The following COL27A1 variants were observed in gnomAD, a reference collection of about 807,000 sequenced individuals.
The protein encoded by COL27A1 is collagen type XXVII alpha 1 chain.
A neutral mutation model predicts 251.3 loss-of-function variants in COL27A1; 106 were observed. The ratio of observed to expected loss-of-function variants is 0.42; its 90% CI spans 0.36 to 0.50. COL27A1 has a LOEUF of 0.50. Among genes scored for constraint, COL27A1 ranks in the 20% least tolerant of loss-of-function variants. The probability of loss-of-function intolerance (pLI) is 0.00; values close to 1 mark genes in which losing one functional copy is unlikely to be tolerated. For synonymous variants in COL27A1, 1,000 were observed against 986.3 expected, an observed-to-expected ratio of 1.01 and a Z score of -0.26; for missense variants, 2,325 against 2,522.8, an observed-to-expected ratio of 0.92 and a Z score of 1.68.
chr9:114,244,586 G>A (rs747824324), intron 23 of COL27A1, among the ~76,000 whole-genome samples: 4 of 152,178 alleles, frequency 2.6e-5, no homozygotes, highest in Non-Finnish European at 4.4e-5. Context: ...GGGGAGCGCA[G>A]GTCATCCATA....
At chr9:114,157,932 G>A (rs1344884288) in intron 1 of COL27A1, among the ~76,000 whole-genome samples, 1 of 152,202 alleles carries the variant, frequency 6.6e-6, no homozygotes, top group African/African-American at 2.4e-5. Flanking sequence ...TGTAATAAGT[G>A]CTCAGTAAAC....
intron 39 of COL27A1, 114 bp from the exon 40 acceptor site, chr9:114,283,595 G>A (rs982060649): frequency 2.6e-5 from 23 of 895,914 alleles, no homozygotes; most frequent in African/African-American, 6.6e-5. Flanking sequence ...GGTTATGGGC[G>A]GCATGGATGT....
chr9:114,296,800 C>T (rs1212541214), intron 49 of COL27A1, among the ~76,000 whole-genome samples: 2 of 152,156 alleles, frequency 1.3e-5, no homozygotes, highest in Non-Finnish European at 2.9e-5. Context: ...TTGAAAAAAA[C>T]CTCAAATGTG....
chr9:114,181,022 C>G (rs4978572), intron 4 of COL27A1, among the ~76,000 whole-genome samples: 62,195 of 151,986 alleles, frequency 0.41, 13,262 homozygotes, highest in East Asian at 0.59. Flanking sequence ...AACACTCCCT[C>G]CCAACCTCTG....
chr9:114,265,468 G>C lies in COL27A1; in HGVS notation c.3386G>C (p.Gly1129Ala). 1 of 1,613,932 alleles carries C rather than the reference G, an allele frequency of 6.2e-7. No homozygotes were observed. Among genetic ancestry groups the C allele is most frequent in the Non-Finnish European group, 8.5e-7 (1 of 1,179,966 alleles). Residue 1129 changes from glycine (G) to alanine (A), a missense_variant, in exon 32 of 61, where the codon GGA becomes GCA. Physicochemically the swap from Gly to Ala is moderately conservative, Grantham distance 60 (BLOSUM62 0). This residue lies in a region of COL27A1 where 662 missense variants were observed against 795.3 expected (regional missense o/e 0.83). Transcript: ENST00000356083. ...SGPPGTKGLP[G>A]EPGPQGPQGP... is the part of the protein sequence containing the mutation. ...CCCCCAGGCACCAAGGGCCTCCCAG[G>C]AGAACCGGTAAGAGCCCTTTCCTTC... is the stretch of plus-strand genomic sequence containing the variant.
intron 12 of COL27A1, among the ~76,000 whole-genome samples, chr9:114,216,341 C>T (rs1018579906): frequency 1.3e-5 from 2 of 152,246 alleles, no homozygotes; most frequent in East Asian, 3.9e-4. Context: ...GGAGGAAGGT[C>T]CCTGCTGCTG....
At chr9:114,192,404 G>C (rs1158581411) in intron 5 of COL27A1, among the ~76,000 whole-genome samples, 1 of 152,194 alleles carries the variant, frequency 6.6e-6, no homozygotes, top group Non-Finnish European at 1.5e-5. Flanking sequence ...AACAGCCCAG[G>C]GTGGGAGGGT....
At chr9:114,262,501 G>T (rs1371084596) in intron 28 of COL27A1, among the ~76,000 whole-genome samples, 2 of 152,204 alleles carry the variant, frequency 1.3e-5, no homozygotes, top group South Asian at 4.1e-4. Context: ...CCTCTGGGGA[G>T]GCTGCCCCCT....
intron 56 of COL27A1, among the ~76,000 whole-genome samples, chr9:114,303,323 C>T (rs1435840965): frequency 6.6e-6 from 1 of 150,594 alleles, no homozygotes; most frequent in Non-Finnish European, 1.5e-5. Flanking sequence ...ACTGCAACCT[C>T]CTCCTCCCAG....
At chr9:114,156,180 G>T (rs982620840) in intron 1 of COL27A1, among the ~76,000 whole-genome samples, 168 bp downstream of exon 1, 9 of 151,718 alleles carry the variant, frequency 5.9e-5, no homozygotes, top group African/African-American at 2.2e-4. Flanking sequence ...CTGCGCCCCC[G>T]GCCGGGCGAG....
rs547228317 is a variant in COL27A1 at position 114,240,002 on chromosome 9, C to T, written c.2728-218C>T. 5.3e-5 allele frequency among the ~76,000 whole-genome samples: 8 copies of T among 152,270 alleles called. No individual in the cohort carries two copies. In the East Asian group the frequency reaches 9.7e-4, roughly 18 times the overall value. On this transcript the variant is annotated intron_variant, in intron 19 of 60. Transcript: ENST00000356083. ...AACCTTAATGCTTTCCTGCACCGTC[C>T]GGTGTATTGTCTCAGCAACTCTCTG...
At chr9:114,264,798 A>T (rs976242775) in intron 29 of COL27A1, 126 bp from the exon 30 acceptor site, 1 of 1,007,476 alleles carries the variant, frequency 9.9e-7, no homozygotes, top group African/African-American at 1.6e-5. Context: ...CATCTGCACC[A>T]TGGAAAGGGG....
At chr9:114,283,039 C>G (rs897336427) in intron 39 of COL27A1, among the ~76,000 whole-genome samples, 2 of 152,200 alleles carry the variant, frequency 1.3e-5, no homozygotes, top group Non-Finnish European at 2.9e-5. Flanking sequence ...GCTTTGATAC[C>G]TCCAGGAGAT....
chr9:114,302,185 C>T lies in COL27A1; in HGVS notation c.4872+77C>T, dbSNP rs1043553700. On this transcript the variant is annotated intron_variant, in intron 56 of 60. Coordinates refer to ENST00000356083, the MANE Select transcript of COL27A1 (RefSeq NM_032888.4). ...TGGGGGAAGAGGCTGCTGGCCCTCT[C>T]TGGCCCTGGTGGCTAGAGCCCTAAG... The T allele has an allele frequency of 3.2e-6, 4 of 1,267,694 alleles. No homozygotes were observed. The South Asian group carries it at 4.8e-5, about 15-fold the overall frequency. 78.5% of individuals were successfully genotyped at this position (1,267,694 alleles called of 1,614,324 possible). A position where few individuals can be genotyped will look rare whatever the true frequency, so the allele number is the denominator to read the frequency against.
intron 14 of COL27A1, among the ~76,000 whole-genome samples, chr9:114,229,555 C>G (rs1332768455): frequency 6.6e-6 from 1 of 152,128 alleles, no homozygotes; most frequent in East Asian, 1.9e-4. Flanking sequence ...GCTGTGCCCC[C>G]ACCTCAGAGC....
chr9:114,245,844 C>T (rs375921183), intron 23 of COL27A1, 22 bp from the exon 24 acceptor site: 34 of 1,612,898 alleles, frequency 2.1e-5, no homozygotes, highest in Non-Finnish European at 2.5e-5. Flanking sequence ...CCCAATCCAT[C>T]CTCCTCTTTG....
chr9:114,191,625 C>T (rs1041171983), intron 5 of COL27A1, among the ~76,000 whole-genome samples: 1 of 152,184 alleles, frequency 6.6e-6, no homozygotes, highest in Non-Finnish European at 1.5e-5. Flanking sequence ...CATAGTATTC[C>T]GTGATGTATA....
intron 12 of COL27A1, among the ~76,000 whole-genome samples, chr9:114,214,910 G>T (rs996039221): frequency 1.3e-5 from 2 of 152,266 alleles, no homozygotes; most frequent in Non-Finnish European, 2.9e-5. Context: ...CACAGTGAGA[G>T]ACTGAGCCAT....
In COL27A1 at chr9:114,284,579, A is replaced by G. The variant is rs115069764; in HGVS notation, c.3934-145A>G. 4.8e-3 allele frequency: 3,694 copies of G among 772,556 alleles called. 91 individuals are homozygous for G. The African/African-American group carries it at 0.055, about 12-fold the overall frequency. The allele number at this position is 772,556 out of a possible 1,614,324, so 47.9% of individuals were successfully genotyped here. A position where few individuals can be genotyped will look rare whatever the true frequency, so the allele number is the denominator to read the frequency against. Reference sequence around the variant, plus strand: ...ACATCTGGAAGGCCAGGGCCCAGACAGGCACAGACTTACTCAGAGCCACAC... The same window carrying G: ...ACATCTGGAAGGCCAGGGCCCAGACGGGCACAGACTTACTCAGAGCCACAC... On this transcript the variant is annotated intron_variant, in intron 40 of 60. Transcript: ENST00000356083.
Sources: gnomAD v4.1 joint callset for allele counts (sites outside exome capture counted in the v4.1 genomes callset) on GRCh38, gnomAD v4.1.1 for gene constraint, gnomAD v4.1.1 regional missense constraint, MANE v1.5 for transcripts, NCBI Gene and HGNC (gene_info 2026-07-23, HGNC 2026-07-21) for gene names.